ERP27: variants seen among roughly 807,000 people sequenced by gnomAD.
ERP27 encodes the protein endoplasmic reticulum resident protein 27.
ERP27 carries 23 observed loss-of-function variants against 27.7 expected under a neutral mutation model. That is an observed-to-expected ratio of 0.83 (90% CI 0.60 to 1.18). The LOEUF (loss-of-function observed/expected upper bound fraction) is 1.18, where lower values mean the gene tolerates loss of function less well. Ranked by LOEUF, ERP27 falls within the 50% of genes most tolerant of loss-of-function variation. The pLI is 0.00. For synonymous variants in ERP27, 159 were observed against 118.3 expected, an observed-to-expected ratio of 1.34 and a Z score of -2.23; for missense variants, 363 against 327.9, an observed-to-expected ratio of 1.11 and a Z score of -0.83.
Position 14,934,992 on chromosome 12 carries a change from T to A in ERP27, c.197A>T (p.Asp66Val). The A allele has an allele frequency of 6.2e-7, 1 of 1,613,540 alleles. No homozygotes were observed. Residue 66 changes from aspartate (D) to valine (V), a missense_variant and splice_region_variant, in exon 3 of 7, where the codon GAT becomes GTT. Coordinates refer to ENST00000266397, the MANE Select transcript of ERP27 (RefSeq NM_152321.4). Reference protein sequence around the residue: ...TEVAVIGFFQDLEIPAVPILH... With the variant: ...TEVAVIGFFQVLEIPAVPILH... ...TATGGGCACTGCTGGTATTTCTAAA[T>A]CCTAAAAACAAGAGAAAAAATAATA...
chr12:14,930,967 C>G (rs1456172009), intron 3 of ERP27, among the ~76,000 whole-genome samples: 2 of 152,030 alleles, frequency 1.3e-5, no homozygotes, highest in Non-Finnish European at 2.9e-5. Context: ...AAAAAGTAGG[C>G]TTTAGAATGA....
chr12:14,921,793 T>C (rs1156691823), intron 3 of ERP27, among the ~76,000 whole-genome samples: 1 of 152,188 alleles, frequency 6.6e-6, no homozygotes, highest in Admixed American at 6.5e-5. Flanking sequence ...TTCATCCTTT[T>C]TTTTTTGCCA....
rs554672494 is a variant in ERP27 at position 14,914,692 on chromosome 12, T to C, written c.*43A>G. 4.9e-5 allele frequency: 77 copies of C among 1,577,276 alleles called. No homozygotes were observed. In the South Asian group the frequency reaches 8.1e-4, roughly 17 times the overall value. On this transcript the variant is annotated 3_prime_UTR_variant, in exon 7 of 7. Coordinates refer to ENST00000266397, the MANE Select transcript of ERP27 (RefSeq NM_152321.4). ...AGATTTGAGTTGTGCCTTTTTACTT[T>C]GCATAAAGTAGATACTTGGCCATAT...
In ERP27 at chr12:14,917,355, A is replaced by C. The variant is rs774315181; in HGVS notation, c.451-52T>G. The C allele has an allele frequency of 6.8e-6, 11 of 1,612,360 alleles. No homozygotes were observed. The South Asian group carries it at 1.1e-4, about 16-fold the overall frequency. On this transcript the variant is annotated intron_variant, in intron 4 of 6. Transcript: ENST00000266397. Reference sequence around the variant, plus strand: ...GAGTGAAAGCGAGAAAGAATGCATTAGTACCTGGGAAGGAGTGAATAGGTA... The same window carrying C: ...GAGTGAAAGCGAGAAAGAATGCATTCGTACCTGGGAAGGAGTGAATAGGTA...
At position 14,937,060 on chromosome 12, in the gene ERP27, T is replaced by TGCA. The variant is rs573107979; in HGVS notation, c.195+891_195+892insTGC. On this transcript the variant is annotated intron_variant, in intron 2 of 6. Transcript: ENST00000266397. ...GATGGCATCTGGCGGCTGTTTAAGTTATTGCACACTCCTCCAATTCCATGC... is the reference window on the plus strand; with the variant it reads ...GATGGCATCTGGCGGCTGTTTAAGTTGCAATTGCACACTCCTCCAATTCCATGC... 1.3e-4 allele frequency among the ~76,000 whole-genome samples: 20 copies of TGCA among 152,282 alleles called. No homozygotes were observed. In the East Asian group the frequency reaches 3.9e-3, roughly 29 times the overall value.
rs183934538 is a variant in ERP27 at position 14,914,618 on chromosome 12, G to A, written c.*117C>T. 3.0e-3 allele frequency: 2,327 copies of A among 773,766 alleles called. 10 individuals carry two copies. Among genetic ancestry groups the A allele is most frequent in the Middle Eastern group, 4.2e-3 (17 of 4,096 alleles). The allele number at this position is 773,766 out of a possible 1,614,324, so 47.9% of individuals were successfully genotyped here. A position where few individuals can be genotyped will look rare whatever the true frequency, so the allele number is the denominator to read the frequency against. ...CGCGTGCGTGCGTGTGTGCACGTGC[G>A]TGTGTGTGTGGTTGGCAGGCCTAGT... On this transcript the variant is annotated 3_prime_UTR_variant, in exon 7 of 7. Transcript: ENST00000266397.
At chr12:14,926,686 C>G (rs894789385) in intron 3 of ERP27, among the ~76,000 whole-genome samples, 1 of 152,048 alleles carries the variant, frequency 6.6e-6, no homozygotes, top group Admixed American at 6.6e-5. Context: ...TCAGCTTCTT[C>G]TTGGACAATG....
intron 2 of ERP27, among the ~76,000 whole-genome samples, chr12:14,937,165 C>T (rs1323075851): frequency 6.6e-6 from 1 of 152,200 alleles, no homozygotes; most frequent in East Asian, 1.9e-4. Flanking sequence ...TTGTCCCTGT[C>T]TTTCTCCCTG....
At chr12:14,923,589 A>T (rs1386469488) in intron 3 of ERP27, among the ~76,000 whole-genome samples, 2 of 151,978 alleles carry the variant, frequency 1.3e-5, no homozygotes, top group Non-Finnish European at 2.9e-5. Context: ...AGAAACAGAA[A>T]AACAGAACCA....
At chr12:14,930,156 A>G (rs1390725474) in intron 3 of ERP27, among the ~76,000 whole-genome samples, 1 of 152,162 alleles carries the variant, frequency 6.6e-6, no homozygotes, top group Non-Finnish European at 1.5e-5. Context: ...TGTTATGCAC[A>G]TGTATCCTGG....
rs796902707 is a variant in ERP27, at chr12:14,918,020, A to T, written c.451-717T>A. 3.9e-3 allele frequency among the ~76,000 whole-genome samples: 597 copies of T among 152,344 alleles called. 5 individuals are homozygous for T. The highest frequency in any genetic ancestry group is 0.013 in the African/African-American group (542 of 41,578). ...GTTGCAAGACTAGTCAGAGACACTT[A>T]AAATGTAGTCTTTGTTTGAGTACAT... On this transcript the variant is annotated intron_variant, in intron 4 of 6. Coordinates refer to ENST00000266397, the MANE Select transcript of ERP27 (RefSeq NM_152321.4).
chr12:14,923,825 C>T (rs2256577), intron 3 of ERP27, among the ~76,000 whole-genome samples: 98,660 of 151,392 alleles, frequency 0.65, 32,317 homozygotes, highest in East Asian at 0.86. Context: ...TTAGCATATC[C>T]GTTGCTTCAA....
intron 4 of ERP27, among the ~76,000 whole-genome samples, chr12:14,919,283 T>C (rs1352937563): frequency 6.6e-6 from 1 of 152,238 alleles, no homozygotes; most frequent in Non-Finnish European, 1.5e-5. Context: ...CTTGATATAA[T>C]CTGCCTTCAC....
chr12:14,937,408 G>T (rs977212501), intron 2 of ERP27, among the ~76,000 whole-genome samples: 2 of 152,172 alleles, frequency 1.3e-5, no homozygotes, highest in South Asian at 2.1e-4. Context: ...GAAGATGGAG[G>T]TTAACACCTT....
intron 2 of ERP27, among the ~76,000 whole-genome samples, chr12:14,936,508 T>C (rs1371267220): frequency 2.0e-5 from 3 of 152,180 alleles, no homozygotes; most frequent in African/African-American, 7.2e-5. Flanking sequence ...GTCCCCAGGC[T>C]GAAGGAGGAG....
rs201382185 is a variant in ERP27 at position 14,917,293 on chromosome 12, C to T, written c.461G>A (p.Gly154Glu). ...VTEYNPVTVI[G>E]LFNSVIQIHL... ...AATCTGAATTACGCTGTTGAATAAC[C>T]CAATCACAGTCTGGCAAGTCGAAAT... The change falls in exon 5 of 7, where the codon GGG becomes GAG. Residue 154 changes from glycine to glutamate, a missense_variant. Transcript: ENST00000266397. The T allele has an allele frequency of 6.2e-7, 1 of 1,614,082 alleles. No homozygotes were observed. The highest frequency in any genetic ancestry group is 1.3e-5 in the African/African-American group (1 of 75,012).
intron 5 of ERP27, among the ~76,000 whole-genome samples, chr12:14,916,068 G>A (rs547390660): frequency 6.6e-6 from 1 of 152,206 alleles, no homozygotes; most frequent in East Asian, 1.9e-4. Context: ...TCACAATTTG[G>A]TGCTGGGCTT....
rs543737429 is a variant in ERP27, at chr12:14,927,780, A to T, written c.334-6732T>A. Among the ~76,000 whole-genome samples the T allele has an allele frequency of 6.6e-5, 10 of 151,148 alleles. No individual in the cohort carries two copies. The South Asian group carries it at 2.1e-3, about 32-fold the overall frequency. ...CACACACACACACACACACACACTTACACACACATTCATGCACACACATTT... is the reference window on the plus strand; with the variant it reads ...CACACACACACACACACACACACTTTCACACACATTCATGCACACACATTT... On this transcript the variant is annotated intron_variant, in intron 3 of 6. Coordinates refer to ENST00000266397, the MANE Select transcript of ERP27 (RefSeq NM_152321.4).
intron 2 of ERP27, chr12:14,935,327 T>C (rs988461986): frequency 6.0e-6 from 1 of 165,808 alleles, no homozygotes; most frequent in Non-Finnish European, 1.2e-5. Context: ...TAGATACACA[T>C]GAGAAGCAAC....
Sources: allele counts gnomAD v4.1 joint callset (sites outside exome capture counted in the v4.1 genomes callset), GRCh38; gene constraint gnomAD v4.1.1; transcripts MANE v1.5; gene names NCBI Gene and HGNC (gene_info 2026-07-23, HGNC 2026-07-21).